LHFPL6: variants seen among roughly 807,000 people sequenced by gnomAD.
LHFPL6 encodes the protein LHFPL tetraspan subfamily member 6, also known as LHFPL tetraspan subfamily member 6 protein.
A neutral mutation model predicts 20.6 loss-of-function variants in LHFPL6; 9 were observed. The observed-to-expected ratio is 0.44, with a 90% CI of 0.26 to 0.76. The LOEUF is 0.76. LHFPL6 is among the 30% of genes least tolerant of loss of function. The probability of loss-of-function intolerance (pLI) is 0.20; values close to 1 mark genes in which losing one functional copy is unlikely to be tolerated. For missense variants in LHFPL6, 218 were observed against 253.5 expected (o/e 0.86, Z 0.95); for synonymous variants, 105 against 98.7 (o/e 1.06, Z -0.38).
At chr13:39,505,555 A>G (rs1869448492) in intron 2 of LHFPL6, among the ~76,000 whole-genome samples, 1 of 152,002 alleles carries the variant, frequency 6.6e-6, no homozygotes, top group Non-Finnish European at 1.5e-5. Context: ...TTATCCTCAG[A>G]GGCTCCAGAA....
rs547231875 is a variant in LHFPL6, at chr13:39,353,449, G to A, written c.485-9395C>T. ...GCTTTTTAAAAGCTACTTTGCGGCC[G>A]GGCGCGGTGGCTCATGCCTGTAATC... is the stretch of plus-strand genomic sequence containing the variant. On this transcript the variant is annotated intron_variant, in intron 3 of 3. Coordinates refer to ENST00000379589, the MANE Select transcript of LHFPL6 (RefSeq NM_005780.3). Among the ~76,000 whole-genome samples, 213 of 152,068 alleles carry A rather than the reference G, an allele frequency of 1.4e-3. 1 individual carries two copies. In the Middle Eastern group the frequency reaches 0.02, roughly 15 times the overall value.
chr13:39,408,144 A>G (rs1038859194), intron 2 of LHFPL6, among the ~76,000 whole-genome samples: 1 of 152,254 alleles, frequency 6.6e-6, no homozygotes, highest in African/African-American at 2.4e-5. Flanking sequence ...TGCATTCCCC[A>G]AAGTGTCAAA....
chr13:39,427,479 A>T (rs1400532906), intron 2 of LHFPL6, among the ~76,000 whole-genome samples: 2 of 152,192 alleles, frequency 1.3e-5, no homozygotes, highest in African/African-American at 4.8e-5. Flanking sequence ...AGTTTTTATC[A>T]GTTATAGCTG....
At chr13:39,450,082 T>C (rs2138420446) in intron 2 of LHFPL6, among the ~76,000 whole-genome samples, 1 of 152,336 alleles carries the variant, frequency 6.6e-6, no homozygotes, top group Admixed American at 6.5e-5. Flanking sequence ...ACAGATTATT[T>C]GCTTTTATGC....
intron 2 of LHFPL6, among the ~76,000 whole-genome samples, chr13:39,514,243 T>C (rs1323926500): frequency 6.6e-6 from 1 of 152,042 alleles, no homozygotes; most frequent in Admixed American, 6.6e-5. Context: ...TCCCTGGTTA[T>C]GAATGAATTA....
chr13:39,536,957 T>C lies in LHFPL6; in HGVS notation c.385+63875A>G, dbSNP rs74046530. Among the ~76,000 whole-genome samples, 1,125 of 152,346 alleles carry C rather than the reference T, an allele frequency of 7.4e-3. 16 individuals are homozygous for C. Among genetic ancestry groups the C allele is most frequent in the African/African-American group, 0.025 (1,042 of 41,570 alleles). On this transcript the variant is annotated intron_variant, in intron 2 of 3. Coordinates refer to ENST00000379589, the MANE Select transcript of LHFPL6 (RefSeq NM_005780.3). ...CTCTGTACCTATTCTAATACATCCATATCCAAAAGAAGCTCAGACATTTCC... is the reference window on the plus strand; with the variant it reads ...CTCTGTACCTATTCTAATACATCCACATCCAAAAGAAGCTCAGACATTTCC...
intron 2 of LHFPL6, among the ~76,000 whole-genome samples, chr13:39,428,552 C>T: frequency 6.6e-6 from 1 of 152,154 alleles, no homozygotes; most frequent in East Asian, 1.9e-4. Flanking sequence ...TCACCTTCCT[C>T]ATTCCTGATA....
intron 2 of LHFPL6, among the ~76,000 whole-genome samples, chr13:39,585,660 A>C (rs1414768527): frequency 6.6e-6 from 1 of 152,160 alleles, no homozygotes; most frequent in Non-Finnish European, 1.5e-5. Context: ...TTAAAATATC[A>C]AATTATTGAT....
intron 2 of LHFPL6, among the ~76,000 whole-genome samples, chr13:39,493,513 A>G (rs899005239): frequency 6.6e-6 from 1 of 152,204 alleles, no homozygotes; most frequent in Non-Finnish European, 1.5e-5. Context: ...GGAAATACTT[A>G]TAAAACAAAA....
chr13:39,385,610 G>C (rs547975373), intron 2 of LHFPL6, among the ~76,000 whole-genome samples: 8 of 152,346 alleles, frequency 5.3e-5, no homozygotes, highest in African/African-American at 1.7e-4. Context: ...TTGTTTCTTT[G>C]AATTTGAGTG....
At chr13:39,519,243 T>TA (rs386378887) in intron 2 of LHFPL6, among the ~76,000 whole-genome samples, 6 of 103,958 alleles carry the variant, frequency 5.8e-5, no homozygotes, top group Admixed American at 1.9e-4. Flanking sequence ...TCTCAAAAAA[T>TA]AAAAATAAAA....
rs1024565156 is a variant in LHFPL6 at position 39,353,266 on chromosome 13, G to A, written c.485-9212C>T. Among the ~76,000 whole-genome samples the A allele has an allele frequency of 1.3e-4, 19 of 151,642 alleles. No individual in the cohort carries two copies. The South Asian group carries it at 1.5e-3, about 12-fold the overall frequency. ...CTTCCAAAGTGCTGAGATTACAGGCGTAAGCCACCACGCCTGATCCTAAAT... is the reference window on the plus strand; with the variant it reads ...CTTCCAAAGTGCTGAGATTACAGGCATAAGCCACCACGCCTGATCCTAAAT... On this transcript the variant is annotated intron_variant, in intron 3 of 3. Coordinates refer to ENST00000379589, the MANE Select transcript of LHFPL6 (RefSeq NM_005780.3).
At position 39,351,871 on chromosome 13, in the gene LHFPL6, G is replaced by T. The variant is rs182877464; in HGVS notation, c.485-7817C>A. 2.8e-4 allele frequency among the ~76,000 whole-genome samples: 43 copies of T among 152,238 alleles called. No individual in the cohort carries two copies. In the East Asian group the frequency reaches 8.1e-3, roughly 29 times the overall value. On this transcript the variant is annotated intron_variant, in intron 3 of 3. Transcript: ENST00000379589. ...CTCACTTCTGATTTTTGTATGTTAC[G>T]TTCCTTTTTTGTCTATAAATTTGTA...
chr13:39,590,511 A>T (rs9548835), intron 2 of LHFPL6, among the ~76,000 whole-genome samples: 110,967 of 152,118 alleles, frequency 0.73, 41,958 homozygotes, highest in East Asian at 0.86. Flanking sequence ...AACAAGATCA[A>T]TTCTTGTGAC....
chr13:39,394,381 T>C (rs954298696), intron 2 of LHFPL6, among the ~76,000 whole-genome samples: 1 of 152,148 alleles, frequency 6.6e-6, no homozygotes, highest in Non-Finnish European at 1.5e-5. Flanking sequence ...GCTTCAACAT[T>C]TGAACTTGTG....
At chr13:39,355,735 T>A (rs1869708588) in intron 3 of LHFPL6, among the ~76,000 whole-genome samples, 1 of 152,182 alleles carries the variant, frequency 6.6e-6, no homozygotes, top group African/African-American at 2.4e-5. Flanking sequence ...GGGGTTGCTA[T>A]TCTTATGTCC....
chr13:39,350,012 A>G (rs969244956), intron 3 of LHFPL6, among the ~76,000 whole-genome samples: 1 of 152,188 alleles, frequency 6.6e-6, no homozygotes, highest in African/African-American at 2.4e-5. Flanking sequence ...ATTGTTGGGT[A>G]GGAATATGAG....
intron 2 of LHFPL6, among the ~76,000 whole-genome samples, chr13:39,477,306 A>T (rs901491417): frequency 6.6e-6 from 1 of 152,172 alleles, no homozygotes; most frequent in Non-Finnish European, 1.5e-5. Flanking sequence ...GAGCTACCCT[A>T]TTTGGCTGAT....
intron 2 of LHFPL6, among the ~76,000 whole-genome samples, chr13:39,600,556 C>T (rs1357584879): frequency 6.6e-6 from 1 of 152,216 alleles, no homozygotes; most frequent in Non-Finnish European, 1.5e-5. Flanking sequence ...GTCGCCCCTA[C>T]TACACCTCAA....
Sources: allele counts gnomAD v4.1 joint callset (sites outside exome capture counted in the v4.1 genomes callset), GRCh38; gene constraint gnomAD v4.1.1; transcripts MANE v1.5; gene names NCBI Gene and HGNC (gene_info 2026-07-23, HGNC 2026-07-21).